The following JPH3 variants were observed in gnomAD, a reference collection of about 807,000 sequenced individuals.
JPH3 encodes the protein junctophilin 3.
Under a neutral mutation model 59.6 loss-of-function variants are expected in JPH3, and 11 were observed. That is an observed-to-expected ratio of 0.18 (90% CI 0.12 to 0.31). JPH3 has a LOEUF of 0.31. JPH3 is among the 10% of genes least tolerant of loss of function. The pLI is 1.00. For missense variants in JPH3, 1,202 were observed against 1,105.7 expected (o/e 1.09, Z -1.24); for synonymous variants, 673 against 483.6 (o/e 1.39, Z -5.14).
chr16:87,617,450 C>T (rs1434509842), intron 1 of JPH3, among the ~76,000 whole-genome samples: 4 of 151,986 alleles, frequency 2.6e-5, no homozygotes, highest in African/African-American at 7.3e-5. Context: ...CAGTGGATGC[C>T]AGGAGAGCTG....
chr16:87,660,159 G>T (rs970190451), intron 2 of JPH3, among the ~76,000 whole-genome samples: 4 of 152,210 alleles, frequency 2.6e-5, no homozygotes, highest in Non-Finnish European at 5.9e-5. Flanking sequence ...CCTGGGGAGA[G>T]ACGGCAGTGC....
chr16:87,663,745 C>T (rs1305415442), intron 2 of JPH3, among the ~76,000 whole-genome samples: 1 of 152,200 alleles, frequency 6.6e-6, no homozygotes, highest in Non-Finnish European at 1.5e-5. Context: ...CTCCAGCCCA[C>T]CTCCCTCGGT....
chr16:87,611,870 C>G lies in JPH3; in HGVS notation c.382+8342C>G, dbSNP rs1309146534. On this transcript the variant is annotated intron_variant, in intron 1 of 4. Transcript: ENST00000284262. This position sits in a 1 kb window ranked among gnomAD's most constrained non-coding sequence, Gnocchi z 4.5. ...TGCCTCCTAAGCCTGGCTACACATTCGAGTCACTAAGAATGTCCCTGGGAG... is the reference window on the plus strand; with the variant it reads ...TGCCTCCTAAGCCTGGCTACACATTGGAGTCACTAAGAATGTCCCTGGGAG... Among the ~76,000 whole-genome samples, 5 of 152,222 alleles carry G rather than the reference C, an allele frequency of 3.3e-5. No individual in the cohort carries two copies. The highest frequency in any genetic ancestry group is 1.2e-4 in the African/African-American group (5 of 41,444).
At chr16:87,670,467 C>T (rs1267111535) in intron 2 of JPH3, among the ~76,000 whole-genome samples, 3 of 152,226 alleles carry the variant, frequency 2.0e-5, no homozygotes, top group Non-Finnish European at 2.9e-5. Flanking sequence ...GCACCAGGAT[C>T]CAAGCAGTGG....
chr16:87,649,824 C>T (rs1200736488), intron 2 of JPH3, among the ~76,000 whole-genome samples: 28 of 152,022 alleles, frequency 1.8e-4, no homozygotes, highest in Admixed American at 1.5e-3. Context: ...GCTTCTGCTG[C>T]GGGAGAGGGA....
chr16:87,631,582 C>G (rs916067814), intron 1 of JPH3, among the ~76,000 whole-genome samples: 1 of 152,108 alleles, frequency 6.6e-6, no homozygotes, highest in Non-Finnish European at 1.5e-5. Flanking sequence ...GTGTCTCTCC[C>G]CTCATTGTGT....
intron 1 of JPH3, among the ~76,000 whole-genome samples, chr16:87,619,306 C>G (rs934980235): frequency 4.1e-5 from 4 of 98,062 alleles, no homozygotes; most frequent in African/African-American, 1.6e-4. Flanking sequence ...GAGCGAGACC[C>G]TGTCTTAAGA....
chr16:87,664,062 T>C (rs2032784934), intron 2 of JPH3, among the ~76,000 whole-genome samples: 2 of 152,238 alleles, frequency 1.3e-5, no homozygotes, highest in African/African-American at 4.8e-5. Context: ...CTGGGCGCGG[T>C]GGCTCACGCC....
rs1225195549 is a variant in JPH3 at position 87,603,396 on chromosome 16, A to G, written c.250A>G (p.Lys84Glu). 1.9e-6 allele frequency: 3 copies of G among 1,600,200 alleles called. No individual in the cohort carries two copies. The highest frequency in any genetic ancestry group is 1.7e-6 in the Non-Finnish European group (2 of 1,173,718). Residue 84 changes from lysine to glutamate, a missense_variant, in exon 1 of 5, where the codon AAG (lysine) becomes GAG (glutamate). Transcript: ENST00000284262. ...GLESKGKWVY[K>E]GEWTHGFKGR... The stretch of plus-strand genomic sequence containing the variant: ...GGAGAGCAAGGGGAAGTGGGTGTAC[A>G]AGGGCGAGTGGACGCACGGATTCAA...
At chr16:87,638,295 A>C (rs909513463) in intron 1 of JPH3, among the ~76,000 whole-genome samples, 3 of 152,090 alleles carry the variant, frequency 2.0e-5, no homozygotes, top group Non-Finnish European at 4.4e-5. Context: ...CCTGGCCTCA[A>C]ATGATTCTCC....
rs768484704 is a variant in JPH3 at position 87,689,699 on chromosome 16, C to G, written c.1339C>G (p.Leu447Val). Residue 447 changes from leucine to valine, a missense_variant, in exon 4 of 5, where the codon CTG (leucine) becomes GTG (valine). By Grantham distance (32) the Leu-to-Val change is conservative. Coordinates refer to ENST00000284262, the MANE Select transcript of JPH3 (RefSeq NM_020655.4). ...RQTSCDDIEV[L>V]STGTPLQQES... is the part of the protein sequence containing the mutation. ...GACCTCCTGTGACGACATCGAGGTG[C>G]TGTCCACCGGGACACCCCTGCAGCA... 4.3e-6 allele frequency: 7 copies of G among 1,612,338 alleles called. No individual in the cohort carries two copies. Among genetic ancestry groups the G allele is most frequent in the Non-Finnish European group, 5.1e-6 (6 of 1,179,786 alleles).
chr16:87,657,976 C>A (rs146583935), intron 2 of JPH3, among the ~76,000 whole-genome samples: 6 of 152,144 alleles, frequency 3.9e-5, no homozygotes, highest in African/African-American at 1.4e-4. Flanking sequence ...ACAGTGGTCA[C>A]GCTCCAGGAC....
At chr16:87,630,382 C>T (rs949952876) in intron 1 of JPH3, among the ~76,000 whole-genome samples, 1 of 152,210 alleles carries the variant, frequency 6.6e-6, no homozygotes, top group African/African-American at 2.4e-5. Flanking sequence ...CCTCTGCTGA[C>T]CCCTCTCCCC....
At chr16:87,637,262 C>G (rs7203383) in intron 1 of JPH3, among the ~76,000 whole-genome samples, 3 of 151,974 alleles carry the variant, frequency 2.0e-5, no homozygotes, top group Non-Finnish European at 4.4e-5. Flanking sequence ...TCACGGGGTT[C>G]TGATCATCAG....
chr16:87,695,634 A>G (rs1296118579), intron 4 of JPH3: 1 of 455,894 alleles, frequency 2.2e-6, no homozygotes, highest in Non-Finnish European at 4.4e-6. Flanking sequence ...ACCGTCCAGG[A>G]GGCGTCCATT....
chr16:87,690,258 G>C lies in JPH3; in HGVS notation c.1898G>C (p.Gly633Ala). The change falls in exon 4 of 5, where the codon GGC becomes GCC. Residue 633 changes from glycine to alanine, a missense_variant. Gly to Ala is a moderately conservative substitution (Grantham distance 60, BLOSUM62 0). Coordinates refer to ENST00000284262, the MANE Select transcript of JPH3 (RefSeq NM_020655.4). ...THPQKRRYSK[G>A]GACRGLGDDH... ...CCCCAGAAAAGACGCTACAGCAAGG[G>C]CGGCGCCTGCCGGGGCTTGGGGGAC... 6.2e-7 allele frequency: 1 copy of C among 1,603,638 alleles called. No individual in the cohort carries two copies.
intron 1 of JPH3, among the ~76,000 whole-genome samples, chr16:87,614,004 G>A (rs1434879638): frequency 2.0e-5 from 3 of 152,238 alleles, no homozygotes; most frequent in Non-Finnish European, 2.9e-5. Flanking sequence ...CATTCCAGGG[G>A]CCCACTTGCT....
chr16:87,690,075 G>C lies in JPH3; in HGVS notation c.1715G>C (p.Arg572Pro), dbSNP rs775456087. ...GRKQPGNPKPRERRTESPPVF... is the reference protein window; with the variant it reads ...GRKQPGNPKPPERRTESPPVF... Reference sequence around the variant, plus strand: ...AAGCAGCCCGGGAACCCCAAGCCGCGGGAGCGGCGGACGGAGTCACCCCCC... The same window carrying C: ...AAGCAGCCCGGGAACCCCAAGCCGCCGGAGCGGCGGACGGAGTCACCCCCC... The change falls in exon 4 of 5, where the codon CGG becomes CCG. Residue 572 changes from arginine (R) to proline (P), a missense_variant. Coordinates refer to ENST00000284262, the MANE Select transcript of JPH3 (RefSeq NM_020655.4). 35 of 1,566,174 alleles carry C rather than the reference G, an allele frequency of 2.2e-5. No individual in the cohort carries two copies. The highest frequency in any genetic ancestry group is 2.9e-5 in the Non-Finnish European group (34 of 1,157,294).
At chr16:87,668,591 G>A (rs955091492) in intron 2 of JPH3, among the ~76,000 whole-genome samples, 2 of 152,188 alleles carry the variant, frequency 1.3e-5, no homozygotes, top group Admixed American at 6.5e-5. Flanking sequence ...CCAAGGGTCC[G>A]GTGGGAATTA....
Sources: gnomAD v4.1 joint callset for allele counts (sites outside exome capture counted in the v4.1 genomes callset) on GRCh38, gnomAD v4.1.1 for gene constraint, Gnocchi (gnomAD v3.1) non-coding constraint, MANE v1.5 for transcripts, NCBI Gene and HGNC (gene_info 2026-07-23, HGNC 2026-07-21) for gene names.